Variants in SCYL3 observed in about 807,000 individuals in gnomAD.
The protein encoded by SCYL3 is SCY1 like pseudokinase 3, also known as protein-associating with the carboxyl-terminal domain of ezrin.
In SCYL3, 35 loss-of-function variants were observed where a neutral mutation model predicts 73.8. The observed-to-expected ratio is 0.47, with a 90% CI of 0.36 to 0.63. The LOEUF is 0.63. Among genes scored for constraint, SCYL3 ranks in the 20% least tolerant of loss-of-function variants. The probability of loss-of-function intolerance (pLI) is 0.00; values close to 1 mark genes in which losing one functional copy is unlikely to be tolerated. For missense variants in SCYL3, 712 were observed against 798.9 expected, an observed-to-expected ratio of 0.89 and a Z score of 1.31; for synonymous variants, 277 against 295.2, an observed-to-expected ratio of 0.94 and a Z score of 0.63.
At chr1:169,876,459 C>G (rs1344374641) in intron 3 of SCYL3, among the ~76,000 whole-genome samples, 2 of 152,192 alleles carry the variant, frequency 1.3e-5, no homozygotes. Context: ...TCTGTATAAT[C>G]TATATTATTT....
In SCYL3 at chr1:169,866,877, C is replaced by A; in HGVS notation, c.815+19G>T. 1 of 1,344,740 alleles carries A rather than the reference C, an allele frequency of 7.4e-7. No individual in the cohort carries two copies. Among genetic ancestry groups the A allele is most frequent in the Non-Finnish European group, 1.1e-6 (1 of 945,416 alleles). 83.3% of individuals were successfully genotyped at this position (1,344,740 alleles called of 1,614,324 possible). On this transcript the variant is annotated intron_variant, in intron 8 of 12. Transcript: ENST00000367771. ...TAATCCAAGTTATTCAATTTAAATT[C>A]TTAATTTTCTGAACTTACTTAAAGA...
At chr1:169,876,790 C>T (rs941993042) in intron 3 of SCYL3, among the ~76,000 whole-genome samples, 13 of 151,700 alleles carry the variant, frequency 8.6e-5, no homozygotes, top group Admixed American at 3.9e-4. Context: ...CGCGTCTCTA[C>T]GAAAAATACA....
chr1:169,888,927 C>T (rs545958257), intron 1 of SCYL3, 37 bp from the exon 2 acceptor site: 1 of 1,224,030 alleles, frequency 8.2e-7, no homozygotes, highest in Non-Finnish European at 1.1e-6. Context: ...AACATTAAAT[C>T]CCTATCTGCA....
chr1:169,854,661 G>A lies in SCYL3; in HGVS notation c.1616C>T (p.Pro539Leu), dbSNP rs1027596296. 24 of 1,614,068 alleles carry A rather than the reference G, an allele frequency of 1.5e-5. No individual in the cohort carries two copies. Among genetic ancestry groups the A allele is most frequent in the Non-Finnish European group, 2.0e-5 (24 of 1,179,976 alleles). Residue 539 changes from proline to leucine, a missense_variant, in exon 12 of 13, where the codon CCT becomes CTT. Physicochemically the swap from Pro to Leu is moderately conservative, Grantham distance 98. Transcript: ENST00000367771. Reference protein sequence around the residue: ...NPGGGITATKPVTSGEQKPIP... With the variant: ...NPGGGITATKLVTSGEQKPIP... ...AGGCTTCTGCTCCCCTGAGGTAACA[G>A]GTTTTGTAGCAGTGATTCCACCTCC...
At chr1:169,871,550 T>C (rs1033812597) in intron 5 of SCYL3, among the ~76,000 whole-genome samples, 2 of 152,180 alleles carry the variant, frequency 1.3e-5, no homozygotes, top group East Asian at 3.8e-4. Flanking sequence ...GGGGCGTTGC[T>C]GAAAAGATAC....
At chr1:169,853,976 A>C in intron 12 of SCYL3, 1 of 638,914 alleles carries the variant, frequency 1.6e-6, no homozygotes, top group Non-Finnish European at 2.6e-6. Context: ...GCTTTTCAAA[A>C]ACCATAAAAT....
At chr1:169,872,537 G>A (rs1243271650) in intron 5 of SCYL3, among the ~76,000 whole-genome samples, 2 of 152,248 alleles carry the variant, frequency 1.3e-5, no homozygotes, top group Non-Finnish European at 2.9e-5. Context: ...TAATGGAGCT[G>A]TGAGAAGGAG....
chr1:169,871,443 C>T (rs1465455530), intron 5 of SCYL3, among the ~76,000 whole-genome samples: 1 of 152,188 alleles, frequency 6.6e-6, no homozygotes, highest in Non-Finnish European at 1.5e-5. Context: ...AAGGAACTCC[C>T]CAGCCACGTG....
At chr1:169,889,844 G>C (rs1661950237) in intron 1 of SCYL3, among the ~76,000 whole-genome samples, 1 of 152,178 alleles carries the variant, frequency 6.6e-6, no homozygotes, top group Admixed American at 6.5e-5. Context: ...CCTCAAAGTT[G>C]TTTTGAAAAG....
rs767163895 is a variant in SCYL3 at position 169,888,859 on chromosome 1, G to C, written c.-19C>G. ...ATCCCATCCCTTATGCAGTGAGGCA[G>C]TACTGCCACTCTTCCTCAAAGCCAA... is the stretch of plus-strand genomic sequence containing the variant. On this transcript the variant is annotated 5_prime_UTR_variant, in exon 2 of 13. Transcript: ENST00000367771. The C allele has an allele frequency of 4.5e-6, 7 of 1,555,590 alleles. No homozygotes were observed. In the Admixed American group the frequency reaches 1.1e-4, roughly 25 times the overall value.
At chr1:169,861,880 GTCTT>G (rs1239910061) in intron 10 of SCYL3, among the ~76,000 whole-genome samples, 1 of 152,174 alleles carries the variant, frequency 6.6e-6, no homozygotes, top group African/African-American at 2.4e-5. Context: ...AATGACTGGT[GTCTT>G]TCTAAGAGGC....
chr1:169,876,597 T>C (rs1000758616), intron 3 of SCYL3, among the ~76,000 whole-genome samples: 1 of 152,098 alleles, frequency 6.6e-6, no homozygotes, highest in Non-Finnish European at 1.5e-5. Flanking sequence ...GAAATCTTGT[T>C]AGTAGGCATT....
chr1:169,889,518 C>T (rs768121123), intron 1 of SCYL3, among the ~76,000 whole-genome samples: 9 of 152,068 alleles, frequency 5.9e-5, no homozygotes, highest in Non-Finnish European at 1.2e-4. Context: ...AAAGTACGAT[C>T]GCACTACTCT....
Position 169,851,985 on chromosome 1 carries a change from C to T in SCYL3, c.*1728G>A. 6.2e-7 allele frequency: 1 copy of T among 1,612,960 alleles called. No homozygotes were observed. Among genetic ancestry groups the T allele is most frequent in the African/African-American group, 1.3e-5 (1 of 75,012 alleles). Reference sequence around the variant, plus strand: ...CCAAACTTTAACAAGGCAAATTCTGCCCTTTTTACTTACTGACGAAACAAA... The same window carrying T: ...CCAAACTTTAACAAGGCAAATTCTGTCCTTTTTACTTACTGACGAAACAAA... On this transcript the variant is annotated 3_prime_UTR_variant, in exon 13 of 13. Coordinates refer to ENST00000367771, the MANE Select transcript of SCYL3 (RefSeq NM_020423.7).
chr1:169,889,155 G>A (rs1406904179), intron 1 of SCYL3, among the ~76,000 whole-genome samples: 1 of 152,154 alleles, frequency 6.6e-6, no homozygotes, highest in Non-Finnish European at 1.5e-5. Context: ...AACTTTCAGA[G>A]TGGAAAGGCA....
At position 169,852,135 on chromosome 1, in the gene SCYL3, T is replaced by C. The variant is rs1411605472; in HGVS notation, c.*1578A>G. The C allele has an allele frequency of 1.5e-5, 10 of 665,010 alleles. No individual in the cohort carries two copies. Among genetic ancestry groups the C allele is most frequent in the Non-Finnish European group, 2.3e-5 (9 of 394,080 alleles). The allele number at this position is 665,010 out of a possible 1,614,324, so 41.2% of individuals were successfully genotyped here. ...ACTACACCATATCAAATATATTCTT[T>C]CAGTATGTTTGAATTATTGGTAGTA... is the stretch of plus-strand genomic sequence containing the variant. On this transcript the variant is annotated 3_prime_UTR_variant, in exon 13 of 13. Coordinates refer to ENST00000367771, the MANE Select transcript of SCYL3 (RefSeq NM_020423.7).
At chr1:169,855,005 G>A in intron 11 of SCYL3, 41 bp from the exon 12 acceptor site, 1 of 1,388,074 alleles carries the variant, frequency 7.2e-7, no homozygotes. Context: ...ACTGGTTAAA[G>A]GTAAGAACTA....
rs1210807275 is a variant in SCYL3, at chr1:169,851,909, A to G, written c.*1804T>C. 6.2e-7 allele frequency: 1 copy of G among 1,614,088 alleles called. No homozygotes were observed. The highest frequency in any genetic ancestry group is 1.1e-5 in the South Asian group (1 of 91,074). ...GGGAACCCTTTGCTAATGTGACTGT[A>G]GAAGAAGCAAAGAGGTCATCTTTAC... On this transcript the variant is annotated 3_prime_UTR_variant, in exon 13 of 13. Transcript: ENST00000367771.
chr1:169,889,055 GTTAA>G (rs1476258461), intron 1 of SCYL3, among the ~76,000 whole-genome samples, 165 bp from the exon 2 acceptor site: 11 of 152,308 alleles, frequency 7.2e-5, no homozygotes, highest in South Asian at 4.1e-4. Flanking sequence ...AGCAATGGTT[GTTAA>G]TTAACAACTA....
Sources: allele counts gnomAD v4.1 joint callset (sites outside exome capture counted in the v4.1 genomes callset), GRCh38; gene constraint gnomAD v4.1.1; transcripts MANE v1.5; gene names NCBI Gene and HGNC (gene_info 2026-07-23, HGNC 2026-07-21).